The following RIMS1 variants were observed in gnomAD, a reference collection of about 807,000 sequenced individuals.
RIMS1 encodes the protein regulating synaptic membrane exocytosis 1.
Under a neutral mutation model 214.1 loss-of-function variants are expected in RIMS1, and 83 were observed. That is an observed-to-expected ratio of 0.39 (90% CI 0.32 to 0.47). RIMS1 has a LOEUF of 0.47. Ranked by LOEUF, RIMS1 falls within the 20% of genes least tolerant of loss-of-function variation. The pLI, the probability that RIMS1 is intolerant of heterozygous loss-of-function variation, is 0.99. For missense variants in RIMS1, 2,050 were observed against 2,161.8 expected (o/e 0.95, Z 1.03); for synonymous variants, 793 against 786.8 (o/e 1.01, Z -0.13).
intron 6 of RIMS1, among the ~76,000 whole-genome samples, chr6:72,228,739 T>G (rs1326480238): frequency 6.6e-6 from 1 of 151,932 alleles, no homozygotes; most frequent in Non-Finnish European, 1.5e-5. Flanking sequence ...TTATACTGTT[T>G]TCCATAGTGA....
chr6:72,396,263 G>A (rs1027815258), intron 31 of RIMS1, among the ~76,000 whole-genome samples: 3 of 152,024 alleles, frequency 2.0e-5, no homozygotes, highest in South Asian at 4.1e-4. Context: ...ATCTGTTAAC[G>A]TTTCTACAAA....
At chr6:71,997,508 C>T (rs1394882839) in intron 2 of RIMS1, among the ~76,000 whole-genome samples, 1 of 152,148 alleles carries the variant, frequency 6.6e-6, no homozygotes, top group Non-Finnish European at 1.5e-5. Flanking sequence ...AAAGCCTAAA[C>T]AATTAAGCTG....
At chr6:72,220,815 GGC>G (rs546609226) in intron 6 of RIMS1, among the ~76,000 whole-genome samples, 1 of 152,136 alleles carries the variant, frequency 6.6e-6, no homozygotes, top group South Asian at 2.1e-4. Context: ...CTTGACAATA[GGC>G]TTCTTTGACA....
At chr6:72,037,268 T>G (rs1819905537) in intron 2 of RIMS1, among the ~76,000 whole-genome samples, 1 of 151,690 alleles carries the variant, frequency 6.6e-6, no homozygotes, top group Non-Finnish European at 1.5e-5. Flanking sequence ...CTGTCAGGAT[T>G]TAGTGGCATT....
chr6:72,386,549 G>T (rs1564768983), intron 29 of RIMS1, among the ~76,000 whole-genome samples: 1 of 152,130 alleles, frequency 6.6e-6, no homozygotes, highest in Non-Finnish European at 1.5e-5. Context: ...ACTGATCCCC[G>T]CAGTGTACTG....
chr6:72,224,740 C>T (rs1207537781), intron 6 of RIMS1, among the ~76,000 whole-genome samples: 1 of 151,986 alleles, frequency 6.6e-6, no homozygotes, highest in Admixed American at 6.6e-5. Context: ...GCTTCTTTAT[C>T]CTCATTTTTT....
chr6:72,185,068 A>G (rs945520477), intron 6 of RIMS1, among the ~76,000 whole-genome samples: 3 of 152,180 alleles, frequency 2.0e-5, no homozygotes, highest in South Asian at 2.1e-4. Flanking sequence ...AGTTCTTTTT[A>G]TATTGAACAA....
chr6:72,046,305 G>A (rs1823020463), intron 2 of RIMS1, among the ~76,000 whole-genome samples: 1 of 152,024 alleles, frequency 6.6e-6, no homozygotes, highest in African/African-American at 2.4e-5. Flanking sequence ...GGGGTTGGGA[G>A]GGGAGTGAGA....
intron 2 of RIMS1, among the ~76,000 whole-genome samples, chr6:71,975,588 A>G (rs1796920254): frequency 6.6e-6 from 1 of 152,162 alleles, no homozygotes; most frequent in Admixed American, 6.6e-5. Context: ...TTGAGATACA[A>G]TGCACATACC....
At chr6:72,167,897 G>T (rs1830339) in intron 4 of RIMS1, among the ~76,000 whole-genome samples, 1 of 112,964 alleles carries the variant, frequency 8.9e-6, no homozygotes, top group Non-Finnish European at 2.3e-5. Flanking sequence ...TTTTTTTCTA[G>T]GTTTTATTTT....
intron 4 of RIMS1, among the ~76,000 whole-genome samples, chr6:72,148,812 C>T (rs1050316133): frequency 6.6e-6 from 1 of 151,588 alleles, no homozygotes; most frequent in Non-Finnish European, 1.5e-5. Flanking sequence ...AAATTAAGTC[C>T]AAGGTGACCC....
chr6:71,943,978 G>GA (rs1361671676), intron 1 of RIMS1, among the ~76,000 whole-genome samples: 1 of 152,064 alleles, frequency 6.6e-6, no homozygotes, highest in Non-Finnish European at 1.5e-5. Context: ...TGTAATATAG[G>GA]AAATCAAATT....
intron 2 of RIMS1, among the ~76,000 whole-genome samples, chr6:72,002,188 A>G (rs1242861495): frequency 6.6e-6 from 1 of 152,180 alleles, no homozygotes; most frequent in Non-Finnish European, 1.5e-5. Context: ...GTTAAGGAAC[A>G]TAAAGGAAAA....
intron 1 of RIMS1, among the ~76,000 whole-genome samples, chr6:71,917,196 A>G (rs887607340): frequency 4.5e-4 from 68 of 152,186 alleles, no homozygotes; most frequent in African/African-American, 1.6e-3. Flanking sequence ...AGTGCCTGTC[A>G]CATAAGGGCT....
At chr6:72,343,492 C>CTTTTTTTTTTTTTTTTT (rs764125827) in intron 29 of RIMS1, among the ~76,000 whole-genome samples, 17 of 57,300 alleles carry the variant, frequency 3.0e-4, no homozygotes, top group South Asian at 1.2e-3. Flanking sequence ...TCTTCTTCTT[C>CTTTTTTTTTTTTTTTTT]TTTTTTTTTT....
intron 4 of RIMS1, among the ~76,000 whole-genome samples, chr6:72,160,850 T>C (rs1360728556): frequency 3.6e-5 from 5 of 140,296 alleles, no homozygotes; most frequent in Admixed American, 7.3e-5. Flanking sequence ...TTCTCTTTTT[T>C]TGTTGTGTCT....
At chr6:72,366,750 A>G in intron 29 of RIMS1, 1 of 985,876 alleles carries the variant, frequency 1.0e-6, no homozygotes, top group Non-Finnish European at 1.2e-6. Context: ...CAGCTCAGAC[A>G]GATATTCCAG....
chr6:72,099,565 A>G (rs2033002646), intron 3 of RIMS1, among the ~76,000 whole-genome samples: 1 of 152,162 alleles, frequency 6.6e-6, no homozygotes, highest in African/African-American at 2.4e-5. Context: ...GTGACTATCA[A>G]TATTTTAACA....
At chr6:72,095,832 G>C (rs2031436940) in intron 2 of RIMS1, among the ~76,000 whole-genome samples, 1 of 152,190 alleles carries the variant, frequency 6.6e-6, no homozygotes, top group Non-Finnish European at 1.5e-5. Context: ...TGTGTACTCT[G>C]TGTCCTAGGG....
Sources: allele counts gnomAD v4.1 joint callset (sites outside exome capture counted in the v4.1 genomes callset), GRCh38; gene constraint gnomAD v4.1.1; transcripts MANE v1.5; gene names NCBI Gene and HGNC (gene_info 2026-07-23, HGNC 2026-07-21).